The following AFAP1 variants were observed in gnomAD, a reference collection of about 807,000 sequenced individuals.
AFAP1 encodes the protein actin filament associated protein 1.
AFAP1 carries 75 observed loss-of-function variants against 93.9 expected under a neutral mutation model. The observed-to-expected ratio is 0.80, with a 90% confidence interval of 0.66 to 0.97. AFAP1 has a LOEUF of 0.97. Among genes scored for constraint, AFAP1 ranks in the 50% least tolerant of loss-of-function variants. The pLI, the probability that AFAP1 is intolerant of heterozygous loss-of-function variation, is 0.00. For synonymous variants in AFAP1, 517 were observed against 430.7 expected, an observed-to-expected ratio of 1.20 and a Z score of -2.48; for missense variants, 1,201 against 1,050.8, an observed-to-expected ratio of 1.14 and a Z score of -1.98.
chr4:7,913,857 C>T (rs923696443), intron 1 of AFAP1, among the ~76,000 whole-genome samples: 1 of 152,120 alleles, frequency 6.6e-6, no homozygotes, highest in African/African-American at 2.4e-5. Flanking sequence ...TGCTTCATAG[C>T]CATTCCAATC....
rs139005886 is a variant in AFAP1 at position 7,904,693 on chromosome 4, GGTTTGTTT to G, written c.-2-32621_-2-32614del. 1.8e-3 allele frequency among the ~76,000 whole-genome samples: 266 copies of G among 151,126 alleles called. 1 individual carries two copies. The South Asian group carries it at 0.019, about 11-fold the overall frequency. On this transcript the variant is annotated intron_variant, in intron 1 of 17. Transcript: ENST00000420658. ...GTTAACTACTGCCACTATTACAAAT[GGTTTGTTT>G]GTTTGTTTGTTTGTTTGTTTTGTTT...
intron 17 of AFAP1, among the ~76,000 whole-genome samples, chr4:7,766,359 C>T (rs1031761012): frequency 6.6e-6 from 1 of 152,186 alleles, no homozygotes; most frequent in African/African-American, 2.4e-5. Flanking sequence ...CCATTTCCTC[C>T]CAGGCAGTGG....
chr4:7,794,217 G>T lies in AFAP1; in HGVS notation c.1267-391C>A, dbSNP rs529720404. Among the ~76,000 whole-genome samples, 8 of 152,320 alleles carry T rather than the reference G, an allele frequency of 5.3e-5. No individual in the cohort carries two copies. In the East Asian group the frequency reaches 1.5e-3, roughly 29 times the overall value. On this transcript the variant is annotated intron_variant, in intron 10 of 17. Coordinates refer to ENST00000420658, the MANE Select transcript of AFAP1 (RefSeq NM_001134647.2). ...GTCCCAGCTGCTGCTGCCTGACTTG[G>T]GAAGCGTGACCAAGCTCCAGGCCCT...
chr4:7,815,994 G>A, intron 8 of AFAP1, 24 bp downstream of exon 8: 1 of 1,561,406 alleles, frequency 6.4e-7, no homozygotes, highest in Non-Finnish European at 8.7e-7. Context: ...GTGTATATAT[G>A]TTTTTGGCAC....
rs529769406 is a variant in AFAP1 at position 7,778,505 on chromosome 4, GCCT to G, written c.1897+254_1897+256del. On this transcript the variant is annotated intron_variant, in intron 14 of 17. Coordinates refer to ENST00000420658, the MANE Select transcript of AFAP1 (RefSeq NM_001134647.2). ...CTGCAAGAAACCTGCACTCACAACT[GCCT>G]CCTATTTTAAAATGCTGAGTCGATC... 3.6e-4 allele frequency: 197 copies of G among 543,314 alleles called. 2 individuals are homozygous for G. The East Asian group carries it at 6.1e-3, about 17-fold the overall frequency. 33.7% of individuals were successfully genotyped at this position (543,314 alleles called of 1,614,324 possible).
chr4:7,800,038 T>A (rs1718871844), intron 10 of AFAP1, among the ~76,000 whole-genome samples: 1 of 152,156 alleles, frequency 6.6e-6, no homozygotes, highest in African/African-American at 2.4e-5. Flanking sequence ...TTACCACCAT[T>A]TCAAAGAGCT....
chr4:7,827,329 T>C (rs1454566532), intron 6 of AFAP1, among the ~76,000 whole-genome samples: 1 of 151,924 alleles, frequency 6.6e-6, no homozygotes, highest in Non-Finnish European at 1.5e-5. Flanking sequence ...CCCAGCACTT[T>C]GGGAGGCTGA....
chr4:7,917,016 T>TCC (rs1483142242), intron 1 of AFAP1, among the ~76,000 whole-genome samples: 37 of 152,194 alleles, frequency 2.4e-4, no homozygotes, highest in African/African-American at 8.0e-4. Flanking sequence ...TCTCTCTCTC[T>TCC]CAGGAATAGT....
At chr4:7,782,688 T>C (rs111658476) in intron 12 of AFAP1, among the ~76,000 whole-genome samples, 2,023 of 152,334 alleles carry the variant, frequency 0.013, 37 homozygotes, top group African/African-American at 0.037. Context: ...ATTCCTCTCT[T>C]ATATTCCTTT....
intron 1 of AFAP1, among the ~76,000 whole-genome samples, chr4:7,929,173 A>T (rs1720928758): frequency 6.6e-6 from 1 of 152,036 alleles, no homozygotes; most frequent in Non-Finnish European, 1.5e-5. Context: ...TGCCCCCTGT[A>T]CAACAGCTTT....
chr4:7,930,890 A>G (rs1303904644), intron 1 of AFAP1, among the ~76,000 whole-genome samples: 1 of 152,152 alleles, frequency 6.6e-6, no homozygotes, highest in Non-Finnish European at 1.5e-5. Flanking sequence ...AGCTGAGACT[A>G]CAGGTGTGCA....
At chr4:7,872,792 A>T (rs1034148461) in intron 1 of AFAP1, among the ~76,000 whole-genome samples, 9 of 152,144 alleles carry the variant, frequency 5.9e-5, no homozygotes, top group Non-Finnish European at 8.8e-5. Flanking sequence ...CTAAGACATT[A>T]TTCACCTTTT....
At chr4:7,894,667 C>T (rs1386434882) in intron 1 of AFAP1, among the ~76,000 whole-genome samples, 2 of 152,292 alleles carry the variant, frequency 1.3e-5, no homozygotes, top group Middle Eastern at 3.4e-3. Flanking sequence ...CTTCTATACA[C>T]CCACTTCACC....
chr4:7,781,883 A>AT (rs577801745), intron 12 of AFAP1, among the ~76,000 whole-genome samples: 13 of 151,650 alleles, frequency 8.6e-5, no homozygotes, highest in Non-Finnish European at 1.6e-4. Context: ...TATGGAAAAA[A>AT]TTTTTTTTTC....
chr4:7,830,003 T>TA (rs1721751992), intron 6 of AFAP1, among the ~76,000 whole-genome samples: 1 of 152,220 alleles, frequency 6.6e-6, no homozygotes, highest in Admixed American at 6.5e-5. Flanking sequence ...CTTTTTGAAG[T>TA]ATGGTCTATT....
chr4:7,860,477 T>C (rs945194545), intron 3 of AFAP1, among the ~76,000 whole-genome samples: 3 of 152,222 alleles, frequency 2.0e-5, no homozygotes, highest in Admixed American at 1.3e-4. Flanking sequence ...TACTGACCAC[T>C]TGCCTACAAG....
intron 5 of AFAP1, among the ~76,000 whole-genome samples, chr4:7,841,966 G>A (rs925986895): frequency 6.6e-6 from 1 of 152,084 alleles, no homozygotes; most frequent in East Asian, 1.9e-4. Flanking sequence ...ACACACAACC[G>A]CGAAGCTTCC....
At chr4:7,785,885 T>A (rs1434021591) in intron 12 of AFAP1, among the ~76,000 whole-genome samples, 2 of 152,120 alleles carry the variant, frequency 1.3e-5, no homozygotes, top group African/African-American at 2.4e-5. Context: ...TATAGTGAGT[T>A]GTGACTGCAC....
chr4:7,760,903 T>G lies in AFAP1; in HGVS notation c.*2862A>C, dbSNP rs1713688636. 6.6e-6 allele frequency: 1 copy of G among 152,264 alleles called. No individual in the cohort carries two copies. The highest frequency in any genetic ancestry group is 1.5e-5 in the Non-Finnish European group (1 of 68,052). The allele number at this position is 152,264 out of a possible 1,614,324, so 9.4% of individuals were successfully genotyped here. ...CCGTAGTACAGGTGGCTAGCCCCTGTGAACACGACCATCTGCTAAGTACCA... is the reference window on the plus strand; with the variant it reads ...CCGTAGTACAGGTGGCTAGCCCCTGGGAACACGACCATCTGCTAAGTACCA... On this transcript the variant is annotated 3_prime_UTR_variant, in exon 18 of 18. Coordinates refer to ENST00000420658, the MANE Select transcript of AFAP1 (RefSeq NM_001134647.2).
Sources: gnomAD v4.1 joint callset for allele counts (sites outside exome capture counted in the v4.1 genomes callset) on GRCh38, gnomAD v4.1.1 for gene constraint, MANE v1.5 for transcripts, NCBI Gene and HGNC (gene_info 2026-07-23, HGNC 2026-07-21) for gene names.